The following DGKB variants were observed in gnomAD, a reference collection of about 807,000 sequenced individuals.
DGKB encodes the protein 90 kDa diacylglycerol kinase.
A neutral mutation model predicts 114.3 loss-of-function variants in DGKB; 67 were observed. The observed-to-expected ratio is 0.59, with a 90% CI of 0.48 to 0.72. DGKB has a LOEUF of 0.72. Ranked by LOEUF, DGKB falls within the 30% of genes least tolerant of loss-of-function variation. The pLI is 0.00. For missense variants in DGKB, 907 were observed against 975.2 expected, an observed-to-expected ratio of 0.93 and a Z score of 0.93; for synonymous variants, 398 against 323.1, an observed-to-expected ratio of 1.23 and a Z score of -2.49.
chr7:14,731,480 G>C (rs1830913837), intron 5 of DGKB, among the ~76,000 whole-genome samples: 1 of 152,188 alleles, frequency 6.6e-6, no homozygotes. Context: ...CTCGGATACA[G>C]TGCCAATAAT....
chr7:14,639,298 A>C (rs1811308820), intron 13 of DGKB, among the ~76,000 whole-genome samples: 1 of 152,232 alleles, frequency 6.6e-6, no homozygotes. Flanking sequence ...CTTAAAAGGT[A>C]AAAGAAAACC....
intron 1 of DGKB, among the ~76,000 whole-genome samples, chr7:14,935,269 G>C (rs958494750): frequency 1.0e-5 from 1 of 100,376 alleles, no homozygotes; most frequent in Non-Finnish European, 1.7e-5. Flanking sequence ...TATTTATCAA[G>C]GAGAAAAACA....
chr7:14,747,830 T>C (rs189599853), intron 4 of DGKB, among the ~76,000 whole-genome samples: 12 of 151,528 alleles, frequency 7.9e-5, no homozygotes, highest in Admixed American at 7.9e-4. Flanking sequence ...AACTGCTTTC[T>C]CATTTTTTTC....
At chr7:14,226,286 G>A (rs954714350) in intron 23 of DGKB, among the ~76,000 whole-genome samples, 12 of 151,756 alleles carry the variant, frequency 7.9e-5, no homozygotes, top group Admixed American at 3.3e-4. Flanking sequence ...TAGATTTAAA[G>A]CCAGATTCCT....
chr7:14,389,330 T>G (rs1226168890), intron 21 of DGKB, among the ~76,000 whole-genome samples: 1 of 152,170 alleles, frequency 6.6e-6, no homozygotes, highest in Non-Finnish European at 1.5e-5. Context: ...CTAGGACCCT[T>G]TGAAAGTCAG....
At chr7:14,224,763 A>G (rs1324701859) in intron 23 of DGKB, among the ~76,000 whole-genome samples, 1 of 151,844 alleles carries the variant, frequency 6.6e-6, no homozygotes, top group Non-Finnish European at 1.5e-5. Context: ...AGGGAATACA[A>G]CCTTGGCTAT....
chr7:14,518,930 T>C (rs1379965656), intron 20 of DGKB, among the ~76,000 whole-genome samples: 1 of 152,000 alleles, frequency 6.6e-6, no homozygotes, highest in Admixed American at 6.6e-5. Flanking sequence ...AATTTGCATT[T>C]CCAAGTTCCC....
rs1005930927 is a variant in DGKB at position 14,653,437 on chromosome 7, T to C, written c.1134+19492A>G. Among the ~76,000 whole-genome samples the C allele has an allele frequency of 3.8e-4, 58 of 151,372 alleles. 1 individual carries two copies. The highest frequency in any genetic ancestry group is 2.1e-4 in the South Asian group (1 of 4,812). ...ACCAAACACCGCATATTCTCACTCA[T>C]AGGTGGGAATTGAACAATGAGATCA... is the stretch of plus-strand genomic sequence containing the variant. On this transcript the variant is annotated intron_variant, in intron 13 of 25. Transcript: ENST00000402815.
chr7:14,212,774 G>C (rs528502827), intron 23 of DGKB, among the ~76,000 whole-genome samples: 5 of 151,792 alleles, frequency 3.3e-5, no homozygotes, highest in Non-Finnish European at 7.4e-5. Context: ...TTTTTCTAAA[G>C]TACCTAGTCC....
chr7:14,391,891 G>A (rs1456227372), intron 21 of DGKB, among the ~76,000 whole-genome samples: 2 of 152,132 alleles, frequency 1.3e-5, no homozygotes, highest in African/African-American at 4.8e-5. Flanking sequence ...CTAATCATAT[G>A]AAATGAGAAT....
chr7:14,665,458 A>T (rs544714272), intron 13 of DGKB, among the ~76,000 whole-genome samples: 1 of 151,986 alleles, frequency 6.6e-6, no homozygotes, highest in African/African-American at 2.4e-5. Context: ...CTGTACAACA[A>T]GCCCCCGTGA....
At chr7:14,255,910 T>C (rs1795903483) in intron 23 of DGKB, among the ~76,000 whole-genome samples, 1 of 151,868 alleles carries the variant, frequency 6.6e-6, no homozygotes, top group South Asian at 2.1e-4. Context: ...TGAGGTCCTA[T>C]TAAGTGTGAG....
chr7:14,328,405 A>C (rs1472776417), intron 23 of DGKB, among the ~76,000 whole-genome samples: 1 of 152,050 alleles, frequency 6.6e-6, no homozygotes, highest in African/African-American at 2.4e-5. Flanking sequence ...CCAAATTACT[A>C]ATTTCAGTAT....
chr7:14,421,433 C>T (rs1458461651), intron 21 of DGKB, among the ~76,000 whole-genome samples: 1 of 152,018 alleles, frequency 6.6e-6, no homozygotes, highest in Non-Finnish European at 1.5e-5. Context: ...TTATAAAGTG[C>T]ATAGTAAACT....
At chr7:14,648,066 G>T (rs1813500006) in intron 13 of DGKB, among the ~76,000 whole-genome samples, 1 of 152,232 alleles carries the variant, frequency 6.6e-6, no homozygotes, top group Admixed American at 6.5e-5. Flanking sequence ...CGAGGCTGGG[G>T]GAGGGGCGCC....
intron 2 of DGKB, among the ~76,000 whole-genome samples, chr7:14,780,408 G>C (rs529710323): frequency 2.0e-5 from 3 of 152,170 alleles, no homozygotes; most frequent in African/African-American, 4.8e-5. Flanking sequence ...AAACCACTTA[G>C]CACCATTTAC....
chr7:14,159,466 A>G (rs1237733714), intron 25 of DGKB, among the ~76,000 whole-genome samples: 1 of 152,130 alleles, frequency 6.6e-6, no homozygotes, highest in African/African-American at 2.4e-5. Context: ...ACTTTCCTTC[A>G]CAGACCTTAT....
At chr7:14,751,418 A>G (rs1456945075) in intron 4 of DGKB, among the ~76,000 whole-genome samples, 2 of 152,196 alleles carry the variant, frequency 1.3e-5, no homozygotes, top group East Asian at 3.9e-4. Flanking sequence ...TTTATGCTTG[A>G]TTTCAAAACT....
intron 23 of DGKB, among the ~76,000 whole-genome samples, chr7:14,214,798 C>CT (rs1340095527): frequency 3.3e-5 from 5 of 152,136 alleles, no homozygotes. Context: ...CAAACAGCTT[C>CT]TTTGTCATCA....
Sources: allele counts gnomAD v4.1 joint callset (sites outside exome capture counted in the v4.1 genomes callset), GRCh38; gene constraint gnomAD v4.1.1; transcripts MANE v1.5; gene names NCBI Gene and HGNC (gene_info 2026-07-23, HGNC 2026-07-21).